The following TBC1D32 variants were observed in gnomAD, a reference collection of about 807,000 sequenced individuals.
TBC1D32 encodes the protein protein broad-minded.
TBC1D32 carries 151 observed loss-of-function variants against 170.3 expected under a neutral mutation model. The ratio of observed to expected loss-of-function variants is 0.89; its 90% CI spans 0.78 to 1.01. TBC1D32 has a LOEUF of 1.01. TBC1D32 is among the 50% of genes least tolerant of loss of function. TBC1D32 has a pLI of 0.00. For synonymous variants in TBC1D32, 498 were observed against 488.0 expected, an observed-to-expected ratio of 1.02 and a Z score of -0.27; for missense variants, 1,464 against 1,457.1, an observed-to-expected ratio of 1.00 and a Z score of -0.08.
rs1315781158 is a variant in TBC1D32 at position 121,278,660 on chromosome 6, T to C, written c.1733+461A>G. Among the ~76,000 whole-genome samples, 7 of 152,184 alleles carry C rather than the reference T, an allele frequency of 4.6e-5. No individual in the cohort carries two copies. In the Middle Eastern group the frequency reaches 0.01, roughly 222 times the overall value. ...TAAGAAAATTCCCATAGTTATAAAA[T>C]AAATCAAGCTGCAGGGTAATGTATA... On this transcript the variant is annotated intron_variant, in intron 15 of 31. Coordinates refer to ENST00000398212, the MANE Select transcript of TBC1D32 (RefSeq NM_152730.6).
intron 15 of TBC1D32, among the ~76,000 whole-genome samples, chr6:121,274,296 G>A (rs1170956228): frequency 2.6e-5 from 4 of 151,606 alleles, no homozygotes; most frequent in Admixed American, 2.6e-4. Context: ...TCATGCGACT[G>A]CACTCCAGCC....
rs142722604 is a variant in TBC1D32 at position 121,268,380 on chromosome 6, T to C, written c.1733+10741A>G. Among the ~76,000 whole-genome samples, 70 of 152,254 alleles carry C rather than the reference T, an allele frequency of 4.6e-4. 1 individual carries two copies. The East Asian group carries it at 0.013, about 28-fold the overall frequency. ...AAATCTTCAGAAAAGATTAGATGAATGGCTAACTAGAATAAACAGCACAGA... is the reference window on the plus strand; with the variant it reads ...AAATCTTCAGAAAAGATTAGATGAACGGCTAACTAGAATAAACAGCACAGA... On this transcript the variant is annotated intron_variant, in intron 15 of 31. Transcript: ENST00000398212.
rs568250918 is a variant in TBC1D32, at chr6:121,229,317, T to C, written c.2365-5965A>G. ...CCCATTTTCAAGACTTGATATGTCA[T>C]TTAAAGTTTCTTTTAATCTACAGGC... On this transcript the variant is annotated intron_variant, in intron 20 of 31. Coordinates refer to ENST00000398212, the MANE Select transcript of TBC1D32 (RefSeq NM_152730.6). 2.0e-5 allele frequency among the ~76,000 whole-genome samples: 3 copies of C among 152,280 alleles called. 1 individual carries two copies. Among genetic ancestry groups the C allele is most frequent in the East Asian group, 1.9e-4 (1 of 5,184 alleles).
chr6:121,139,479 C>G (rs905192187), intron 24 of TBC1D32, among the ~76,000 whole-genome samples: 1 of 152,032 alleles, frequency 6.6e-6, no homozygotes, highest in Non-Finnish European at 1.5e-5. Flanking sequence ...GAGACATGAA[C>G]GGAGACTTAA....
Position 121,080,342 on chromosome 6 carries a change from C to A in TBC1D32, c.*429G>T. On this transcript the variant is annotated 3_prime_UTR_variant, in exon 32 of 32. Transcript: ENST00000398212. Reference sequence around the variant, plus strand: ...AAGCGATTCTCCTGCCTCAGCCTCCCAAGTAGCAGGGACTACAGGCGCATC... The same window carrying A: ...AAGCGATTCTCCTGCCTCAGCCTCCAAAGTAGCAGGGACTACAGGCGCATC... 2 of 325,082 alleles carry A rather than the reference C, an allele frequency of 6.2e-6. No individual in the cohort carries two copies. The highest frequency in any genetic ancestry group is 2.4e-5 in the South Asian group (1 of 42,168). 20.1% of individuals were successfully genotyped at this position (325,082 alleles called of 1,614,324 possible).
At chr6:121,101,964 A>C (rs541401834) in intron 30 of TBC1D32, among the ~76,000 whole-genome samples, 1 of 152,328 alleles carries the variant, frequency 6.6e-6, no homozygotes, top group Non-Finnish European at 1.5e-5. Flanking sequence ...AGAGAGCCAA[A>C]TCCTGAGTGA....
At chr6:121,140,675 G>T (rs989229546) in intron 24 of TBC1D32, among the ~76,000 whole-genome samples, 2 of 151,996 alleles carry the variant, frequency 1.3e-5, no homozygotes, top group Admixed American at 6.6e-5. Flanking sequence ...CTAAAAGGCT[G>T]TACATTTTTT....
intron 1 of TBC1D32, among the ~76,000 whole-genome samples, chr6:121,327,907 T>A (rs1810657389): frequency 6.6e-6 from 1 of 152,190 alleles, no homozygotes; most frequent in African/African-American, 2.4e-5. Context: ...ATTACAAAAT[T>A]CCAACCACTA....
At chr6:121,313,385 G>A (rs1219583476) in intron 3 of TBC1D32, among the ~76,000 whole-genome samples, 1 of 150,768 alleles carries the variant, frequency 6.6e-6, no homozygotes, top group Non-Finnish European at 1.5e-5. Context: ...CCGAGTTCAA[G>A]TGATTCTTCT....
At chr6:121,213,980 G>A (rs1359425882) in intron 21 of TBC1D32, among the ~76,000 whole-genome samples, 2 of 151,700 alleles carry the variant, frequency 1.3e-5, no homozygotes, top group Non-Finnish European at 2.9e-5. Context: ...CAATAAGACT[G>A]CACACTTACA....
chr6:121,124,298 G>A (rs768524488), intron 26 of TBC1D32, among the ~76,000 whole-genome samples: 2 of 151,884 alleles, frequency 1.3e-5, no homozygotes, highest in African/African-American at 2.4e-5. Context: ...TCCTGGATAT[G>A]GTATTCTTGG....
rs555662984 is a variant in TBC1D32 at position 121,305,096 on chromosome 6, G to C, written c.691-263C>G. Among the ~76,000 whole-genome samples the C allele has an allele frequency of 6.6e-5, 10 of 152,196 alleles. No individual in the cohort carries two copies. In the East Asian group the frequency reaches 1.9e-3, roughly 29 times the overall value. On this transcript the variant is annotated intron_variant, in intron 5 of 31. Coordinates refer to ENST00000398212, the MANE Select transcript of TBC1D32 (RefSeq NM_152730.6). ...TAGTATATACTGACATGGTGAGGAG[G>C]GGGTAAGGTGAGGTTTCATAGAGGA...
intron 15 of TBC1D32, among the ~76,000 whole-genome samples, chr6:121,265,983 T>C: frequency 6.6e-6 from 1 of 152,042 alleles, no homozygotes; most frequent in East Asian, 1.9e-4. Context: ...GAAGAAAACC[T>C]AGACAATACC....
intron 26 of TBC1D32, among the ~76,000 whole-genome samples, chr6:121,118,738 G>C (rs1379897168): frequency 2.0e-5 from 3 of 152,070 alleles, no homozygotes; most frequent in African/African-American, 7.2e-5. Flanking sequence ...CTACCCAAAG[G>C]AATCAACGGA....
At chr6:121,192,242 T>C (rs1009373774) in intron 22 of TBC1D32, 1 of 151,986 alleles carries the variant, frequency 6.6e-6, no homozygotes, top group Non-Finnish European at 1.5e-5. Flanking sequence ...CTAAGGACTC[T>C]ACTTGTAATA....
intron 10 of TBC1D32, among the ~76,000 whole-genome samples, chr6:121,295,768 G>C (rs1178422055): frequency 6.6e-6 from 1 of 152,096 alleles, no homozygotes; most frequent in African/African-American, 2.4e-5. Flanking sequence ...TAGCGCCAAG[G>C]AATCAATGGA....
chr6:121,273,718 C>T (rs916758384), intron 15 of TBC1D32, among the ~76,000 whole-genome samples: 1 of 151,548 alleles, frequency 6.6e-6, no homozygotes, highest in Non-Finnish European at 1.5e-5. Context: ...CTAAATGTTT[C>T]TCTGTACATA....
chr6:121,097,605 T>C (rs1444679825), intron 30 of TBC1D32, among the ~76,000 whole-genome samples: 15 of 152,018 alleles, frequency 9.9e-5, no homozygotes, highest in African/African-American at 3.4e-4. Flanking sequence ...GGAGTGTAAA[T>C]TAGTTCAACC....
At chr6:121,311,725 CAAA>C (rs34442665) in intron 3 of TBC1D32, among the ~76,000 whole-genome samples, 3,484 of 114,506 alleles carry the variant, frequency 0.03, 141 homozygotes, top group East Asian at 0.15. Flanking sequence ...GACTCCACCT[CAAA>C]AAAAAAAAAA....
Sources: allele counts gnomAD v4.1 joint callset (sites outside exome capture counted in the v4.1 genomes callset), GRCh38; gene constraint gnomAD v4.1.1; transcripts MANE v1.5; gene names NCBI Gene and HGNC (gene_info 2026-07-23, HGNC 2026-07-21).